The following TMEM233 variants were observed in gnomAD, a reference collection of about 807,000 sequenced individuals.
TMEM233 encodes the protein transmembrane protein 233, also known as dispanin subfamily B member 2.
TMEM233 carries 6 observed loss-of-function variants against 11.2 expected under a neutral mutation model. The observed-to-expected ratio is 0.54, with a 90% confidence interval of 0.29 to 1.06. The LOEUF (loss-of-function observed/expected upper bound fraction) is 1.06, where lower values mean the gene tolerates loss of function less well. TMEM233 is among the 50% of genes least tolerant of loss of function. TMEM233 has a pLI of 0.08. For synonymous variants in TMEM233, 59 were observed against 55.8 expected (o/e 1.06, Z -0.26); for missense variants, 127 against 144.7 (o/e 0.88, Z 0.63).
chr12:119,633,014 T>C (rs186115689), intron 2 of TMEM233, among the ~76,000 whole-genome samples: 57 of 152,208 alleles, frequency 3.7e-4, no homozygotes, highest in Non-Finnish European at 6.6e-4. Flanking sequence ...AGTGTTGATG[T>C]CTCTGCTTGT....
chr12:119,636,845 G>C (rs1954976975), intron 2 of TMEM233, among the ~76,000 whole-genome samples: 1 of 152,222 alleles, frequency 6.6e-6, no homozygotes, highest in Non-Finnish European at 1.5e-5. Flanking sequence ...TGAGCTTTGA[G>C]TATAATCAAA....
At chr12:119,620,993 G>A (rs967580601) in intron 1 of TMEM233, among the ~76,000 whole-genome samples, 4 of 150,276 alleles carry the variant, frequency 2.7e-5, no homozygotes, top group African/African-American at 9.8e-5. Flanking sequence ...CAATCCTCTC[G>A]CCTCAGCCTC....
chr12:119,614,411 C>CGAGAGAGAGAGAGAGAGA (rs57846015), intron 1 of TMEM233, among the ~76,000 whole-genome samples: 1 of 143,548 alleles, frequency 7.0e-6, no homozygotes, highest in African/African-American at 2.6e-5. Context: ...TCCATCTCAA[C>CGAGAGAGAGAGAGAGAGA]GAGAGAGAGA....
At position 119,641,283 on chromosome 12, in the gene TMEM233, C is replaced by T. The variant is rs905804466; in HGVS notation, c.*578C>T. 3 of 152,332 alleles carry T rather than the reference C, an allele frequency of 2.0e-5. No homozygotes were observed. The highest frequency in any genetic ancestry group is 7.2e-5 in the African/African-American group (3 of 41,456). 9.4% of individuals were successfully genotyped at this position (152,332 alleles called of 1,614,324 possible). ...TTCACCCATCTGGTCATCAAACACTCAAAGAAGGGGCTTTTCTGGCCTTTT... is the reference window on the plus strand; with the variant it reads ...TTCACCCATCTGGTCATCAAACACTTAAAGAAGGGGCTTTTCTGGCCTTTT... On this transcript the variant is annotated 3_prime_UTR_variant, in exon 3 of 3. Transcript: ENST00000426426.
At chr12:119,627,735 C>T (rs1333817709) in intron 1 of TMEM233, among the ~76,000 whole-genome samples, 1 of 152,136 alleles carries the variant, frequency 6.6e-6, no homozygotes, top group Non-Finnish European at 1.5e-5. Context: ...AACAAACATC[C>T]AAACTGAGGT....
At chr12:119,600,203 A>C (rs1199977782) in intron 1 of TMEM233, among the ~76,000 whole-genome samples, 1 of 152,046 alleles carries the variant, frequency 6.6e-6, no homozygotes, top group Non-Finnish European at 1.5e-5. Context: ...AAAAAAAAAA[A>C]AAAAATGAAG....
chr12:119,617,552 A>G (rs2393522), intron 1 of TMEM233, among the ~76,000 whole-genome samples: 61,169 of 152,026 alleles, frequency 0.4, 14,056 homozygotes, highest in African/African-American at 0.62. Context: ...AGAAAACCCC[A>G]GCCGGGCACG....
At chr12:119,600,192 CAAAA>C (rs55708484) in intron 1 of TMEM233, among the ~76,000 whole-genome samples, 1 of 117,730 alleles carries the variant, frequency 8.5e-6, no homozygotes, top group Non-Finnish European at 1.8e-5. Flanking sequence ...CTGCAGTTTA[CAAAA>C]AAAAAAAAAA....
downstream of TMEM233, among the ~76,000 whole-genome samples, chr12:119,646,017 A>G (rs1255277274): frequency 6.6e-6 from 1 of 151,716 alleles, no homozygotes; most frequent in African/African-American, 2.4e-5. Flanking sequence ...GTAAATAAAT[A>G]TTTCTTGAGC....
At chr12:119,613,092 T>A (rs1954440158) in intron 1 of TMEM233, among the ~76,000 whole-genome samples, 1 of 151,998 alleles carries the variant, frequency 6.6e-6, no homozygotes, top group Non-Finnish European at 1.5e-5. Flanking sequence ...GTATTTCTCC[T>A]AATGCTATGC....
chr12:119,619,156 G>A (rs369703288), intron 1 of TMEM233, among the ~76,000 whole-genome samples: 1 of 152,184 alleles, frequency 6.6e-6, no homozygotes, highest in African/African-American at 2.4e-5. Context: ...CTGCTGCCAT[G>A]TGAAGAAGGA....
At chr12:119,596,193 C>T (rs1038189219) in intron 1 of TMEM233, among the ~76,000 whole-genome samples, 1 of 152,148 alleles carries the variant, frequency 6.6e-6, no homozygotes, top group South Asian at 2.1e-4. Flanking sequence ...CAGGCAGCAG[C>T]AGACTGTCTG....
the TMEM233 span, among the ~76,000 whole-genome samples, chr12:119,649,666 G>T: frequency 6.6e-6 from 1 of 151,922 alleles, no homozygotes; most frequent in East Asian, 1.9e-4. Flanking sequence ...CTCACTCTAA[G>T]ACTTATTTCT....
the TMEM233 span, among the ~76,000 whole-genome samples, chr12:119,651,366 T>C: frequency 1.3e-5 from 2 of 152,214 alleles, no homozygotes; most frequent in African/African-American, 4.8e-5. Flanking sequence ...AAGGCCTCTC[T>C]ACCCTAAACC....
intron 2 of TMEM233, among the ~76,000 whole-genome samples, chr12:119,639,693 T>A (rs1955044495): frequency 6.6e-6 from 1 of 152,154 alleles, no homozygotes. Flanking sequence ...TCCAGGTGCT[T>A]CCTCTAAGTA....
In TMEM233 at chr12:119,624,364, A is replaced by C. The variant is rs139589550; in HGVS notation, c.187-5372A>C. 5.8e-3 allele frequency among the ~76,000 whole-genome samples: 888 copies of C among 152,158 alleles called. 7 individuals carry two copies. Among genetic ancestry groups the C allele is most frequent in the African/African-American group, 0.02 (843 of 41,496 alleles). The stretch of plus-strand genomic sequence containing the variant: ...GACAGAATGAGACCTCATCTCAAAA[A>C]AAAAAAAATTTTAATGATAATAATA... On this transcript the variant is annotated intron_variant, in intron 1 of 2. Coordinates refer to ENST00000426426, the MANE Select transcript of TMEM233 (RefSeq NM_001136534.3).
chr12:119,647,895 A>C (rs941026064), downstream of TMEM233, among the ~76,000 whole-genome samples: 17 of 150,776 alleles, frequency 1.1e-4, no homozygotes, highest in African/African-American at 4.2e-4. Context: ...CAAACTTTTA[A>C]TGATACCCCG....
chr12:119,595,481 CCGATATGA>C lies in TMEM233; in HGVS notation c.186+1448_186+1455del, dbSNP rs1481392229. Among the ~76,000 whole-genome samples, 1 of 152,232 alleles carries C rather than the reference CCGATATGA, an allele frequency of 6.6e-6. No individual in the cohort carries two copies. Among genetic ancestry groups the C allele is most frequent in the African/African-American group, 2.4e-5 (1 of 41,458 alleles). On this transcript the variant is annotated intron_variant, in intron 1 of 2. Transcript: ENST00000426426. The surrounding 1 kb of genome is among the most constrained non-coding windows in gnomAD (Gnocchi z 4.3). The stretch of plus-strand genomic sequence containing the variant: ...ACCCGGTTTGTGGACAGCGTCTGCA[CCGATATGA>C]AAGCGTGCAGCCGCTGAAGTTCAGA...
rs1308747981 is a variant in TMEM233, at chr12:119,642,655, G to A, written c.*1950G>A. On this transcript the variant is annotated 3_prime_UTR_variant, in exon 3 of 3. Transcript: ENST00000426426. ...CTAAAATTCCTTCACCTGCAAAATG[G>A]GGATAAGAATGCCTGCCTACTTACC... The A allele has an allele frequency of 1.3e-5, 2 of 152,102 alleles. No homozygotes were observed. The highest frequency in any genetic ancestry group is 2.9e-5 in the Non-Finnish European group (2 of 68,036). 9.4% of individuals were successfully genotyped at this position (152,102 alleles called of 1,614,324 possible).
Sources: gnomAD v4.1 joint callset for allele counts (sites outside exome capture counted in the v4.1 genomes callset) on GRCh38, gnomAD v4.1.1 for gene constraint, Gnocchi (gnomAD v3.1) non-coding constraint, MANE v1.5 for transcripts, NCBI Gene and HGNC (gene_info 2026-07-23, HGNC 2026-07-21) for gene names.